Variants in TRIM9 observed in about 807,000 individuals in gnomAD.
The protein encoded by TRIM9 is tripartite motif containing 9, also known as E3 ubiquitin-protein ligase TRIM9.
TRIM9 carries 26 observed loss-of-function variants against 78.3 expected under a neutral mutation model. That is an observed-to-expected ratio of 0.33 (90% confidence interval 0.24 to 0.46). The LOEUF is 0.46. TRIM9 is among the 20% of genes least tolerant of loss of function. TRIM9 has a pLI of 1.00. For missense variants in TRIM9, 787 were observed against 1,036.4 expected, an observed-to-expected ratio of 0.76 and a Z score of 3.30; for synonymous variants, 398 against 416.5, an observed-to-expected ratio of 0.96 and a Z score of 0.54.
At position 51,094,246 on chromosome 14, in the gene TRIM9, G is replaced by T; in HGVS notation, c.694C>A (p.His232Asn). Reference sequence around the variant, plus strand: ...TACATGCTGTGGTTCTCCAGCTCGTGGTCTGTGCAGGTGGAGACCTTGCGT... The same window carrying T: ...TACATGCTGTGGTTCTCCAGCTCGTTGTCTGTGCAGGTGGAGACCTTGCGT... The part of the protein sequence containing the change: ...SPRKVSTCTD[H>N]ELENHSMYCV... Residue 232 changes from histidine (H) to asparagine (N), a missense_variant, in exon 1 of 13, where the codon CAC (histidine) becomes AAC (asparagine). Coordinates refer to ENST00000684578, the MANE Select transcript of TRIM9 (RefSeq NM_001387360.1). 1 of 1,614,240 alleles carries T rather than the reference G, an allele frequency of 6.2e-7. No homozygotes were observed. Among genetic ancestry groups the T allele is most frequent in the Non-Finnish European group, 8.5e-7 (1 of 1,180,048 alleles).
At position 51,093,450 on chromosome 14, in the gene TRIM9, G is replaced by C. The variant is rs77532845; in HGVS notation, c.822+668C>G. On this transcript the variant is annotated intron_variant, in intron 1 of 12. Transcript: ENST00000684578. ...CACTCTAGTCTCAGGTCCCAACTCC[G>C]GAAGGGTTCAGGCCCAAGCCTGCAC... Among the ~76,000 whole-genome samples the C allele has an allele frequency of 1.6e-3, 248 of 152,342 alleles. 2 individuals carry two copies. Among genetic ancestry groups the C allele is most frequent in the African/African-American group, 5.7e-3 (236 of 41,582 alleles).
intron 5 of TRIM9, among the ~76,000 whole-genome samples, chr14:51,002,131 C>T (rs985242079): frequency 2.0e-5 from 3 of 151,002 alleles, no homozygotes; most frequent in African/African-American, 7.3e-5. Context: ...GTGTGTTTTT[C>T]TTTTTTTTGA....
chr14:51,079,510 AT>A (rs35751941), intron 1 of TRIM9, among the ~76,000 whole-genome samples: 122,061 of 152,154 alleles, frequency 0.8, 49,346 homozygotes, highest in African/African-American at 0.9. Context: ...AAAAGAAAAG[AT>A]ATTATGTGAG....
chr14:51,032,029 A>AC (rs1159193945), intron 1 of TRIM9, among the ~76,000 whole-genome samples: 1 of 152,238 alleles, frequency 6.6e-6, no homozygotes, highest in Non-Finnish European at 1.5e-5. Flanking sequence ...CTTTGTTGTT[A>AC]GACTTGCATG....
chr14:50,988,877 G>A (rs11626271), intron 7 of TRIM9, among the ~76,000 whole-genome samples: 38,587 of 152,072 alleles, frequency 0.25, 5,061 homozygotes, highest in Non-Finnish European at 0.28. Context: ...TTAGAGGGAA[G>A]AAACTTAATA....
At chr14:51,004,714 C>A (rs2055530475) in intron 5 of TRIM9, among the ~76,000 whole-genome samples, 1 of 152,126 alleles carries the variant, frequency 6.6e-6, no homozygotes, top group Non-Finnish European at 1.5e-5. Context: ...GAAATGGAAA[C>A]ACAGTAAGGT....
At chr14:50,985,879 CAAG>C (rs959652450) in intron 8 of TRIM9, 74 bp downstream of exon 8, 1 of 1,293,378 alleles carries the variant, frequency 7.7e-7, no homozygotes, top group African/African-American at 1.5e-5. Context: ...ACATGAATGG[CAAG>C]AACAAGACAC....
At chr14:50,999,373 C>G (rs75910585) in intron 6 of TRIM9, among the ~76,000 whole-genome samples, 1,632 of 152,028 alleles carry the variant, frequency 0.011, 18 homozygotes, top group Non-Finnish European at 0.017. Context: ...ACAACACACA[C>G]ACACACACTC....
At chr14:51,010,138 A>AG (rs1303070523) in intron 4 of TRIM9, among the ~76,000 whole-genome samples, 1 of 151,314 alleles carries the variant, frequency 6.6e-6, no homozygotes, top group Non-Finnish European at 1.5e-5. Flanking sequence ...GCGAAAAAAA[A>AG]AAGAAAAAGA....
chr14:51,006,616 T>G (rs1464241437), intron 5 of TRIM9, among the ~76,000 whole-genome samples: 1 of 152,058 alleles, frequency 6.6e-6, no homozygotes. Context: ...CCAGGCAGAG[T>G]GATAATAATC....
chr14:51,030,794 G>A (rs1486426270), intron 1 of TRIM9, among the ~76,000 whole-genome samples: 1 of 152,136 alleles, frequency 6.6e-6, no homozygotes, highest in Non-Finnish European at 1.5e-5. Context: ...TGGTATCAGA[G>A]GAATCTTATG....
At chr14:51,035,975 A>G (rs1347927153) in intron 1 of TRIM9, among the ~76,000 whole-genome samples, 1 of 152,218 alleles carries the variant, frequency 6.6e-6, no homozygotes, top group East Asian at 1.9e-4. Context: ...TTGCCACTGT[A>G]TTAGTTTCAC....
chr14:51,080,869 G>T (rs1225051493), intron 1 of TRIM9, among the ~76,000 whole-genome samples: 2 of 152,194 alleles, frequency 1.3e-5, no homozygotes, highest in African/African-American at 4.8e-5. Context: ...ATAAAGAAAT[G>T]ATTTCCTCCT....
At chr14:50,978,386 C>T (rs1235734830) in intron 12 of TRIM9, among the ~76,000 whole-genome samples, 1 of 152,036 alleles carries the variant, frequency 6.6e-6, no homozygotes, top group African/African-American at 2.4e-5. Context: ...CAGGGCACAG[C>T]TCTTCCCCCA....
At chr14:50,991,073 G>A (rs1476196714) in intron 7 of TRIM9, among the ~76,000 whole-genome samples, 1 of 152,132 alleles carries the variant, frequency 6.6e-6, no homozygotes, top group Non-Finnish European at 1.5e-5. Flanking sequence ...GAATGAAACA[G>A]CTTTTGCCAC....
intron 3 of TRIM9, among the ~76,000 whole-genome samples, chr14:51,012,991 G>T (rs1813119114): frequency 6.6e-6 from 1 of 152,148 alleles, no homozygotes; most frequent in African/African-American, 2.4e-5. Context: ...TGTTGGGTGG[G>T]TTGCCTTTTC....
chr14:51,009,786 G>GTAC (rs2056330692), intron 4 of TRIM9, among the ~76,000 whole-genome samples: 1 of 151,534 alleles, frequency 6.6e-6, no homozygotes, highest in Non-Finnish European at 1.5e-5. Context: ...AGCCAGTTTA[G>GTAC]TAGAGTGTGA....
intron 1 of TRIM9, among the ~76,000 whole-genome samples, chr14:51,087,182 C>T (rs1221402757): frequency 6.6e-6 from 1 of 151,734 alleles, no homozygotes; most frequent in Non-Finnish European, 1.5e-5. Context: ...AAGGTTTGGT[C>T]TAAGAAACTG....
chr14:51,008,971 A>C, intron 5 of TRIM9, 109 bp downstream of exon 5: 2 of 1,075,620 alleles, frequency 1.9e-6, no homozygotes, highest in East Asian at 4.7e-5. Flanking sequence ...CATAAGTTAG[A>C]AGCCACTCCA....
Sources: gnomAD v4.1 joint callset for allele counts (sites outside exome capture counted in the v4.1 genomes callset) on GRCh38, gnomAD v4.1.1 for gene constraint, MANE v1.5 for transcripts, NCBI Gene and HGNC (gene_info 2026-07-23, HGNC 2026-07-21) for gene names.